SIRPD: variants seen among roughly 807,000 people sequenced by gnomAD.
SIRPD encodes the protein signal regulatory protein delta.
Under a neutral mutation model 18.0 loss-of-function variants are expected in SIRPD, and 21 were observed. That is an observed-to-expected ratio of 1.17 (90% confidence interval 0.83 to 1.68). The LOEUF (loss-of-function observed/expected upper bound fraction) is 1.68. SIRPD is among the 40% of genes most tolerant of loss of function. The pLI is 0.00. For synonymous variants in SIRPD, 106 were observed against 92.9 expected (o/e 1.14, Z -0.81); for missense variants, 295 against 238.4 (o/e 1.24, Z -1.56).
At chr20:1,544,367 C>T (rs1394682707) in intron 2 of SIRPD, among the ~76,000 whole-genome samples, 1 of 150,964 alleles carries the variant, frequency 6.6e-6, no homozygotes, top group Non-Finnish European at 1.5e-5. Context: ...TTATGCAATG[C>T]CCTTCTTTGT....
intron 2 of SIRPD, among the ~76,000 whole-genome samples, chr20:1,547,498 C>T (rs1041881782): frequency 6.6e-6 from 1 of 152,210 alleles, no homozygotes; most frequent in Admixed American, 6.5e-5. Context: ...CTCAAGCGAT[C>T]CTCCCATCTC....
chr20:1,544,369 CTTCT>C (rs1181547028), intron 2 of SIRPD, among the ~76,000 whole-genome samples: 1 of 150,758 alleles, frequency 6.6e-6, no homozygotes, highest in Non-Finnish European at 1.5e-5. Flanking sequence ...ATGCAATGCC[CTTCT>C]TTGTCTTTTT....
At position 1,534,416 on chromosome 20, in the gene SIRPD, C is replaced by T. The variant is rs567711302; in HGVS notation, c.*9G>A. 33 of 1,612,432 alleles carry T rather than the reference C, an allele frequency of 2.0e-5. No homozygotes were observed. The African/African-American group carries it at 4.3e-4, about 21-fold the overall frequency. On this transcript the variant is annotated 3_prime_UTR_variant, in exon 4 of 4. Coordinates refer to ENST00000381623, the MANE Select transcript of SIRPD (RefSeq NM_178460.3). The stretch of plus-strand genomic sequence containing the variant: ...TGTTATTTACTTGTACGTTCCTTCC[C>T]TGTTTGGATTATTTTGACAGCAAGC...
At chr20:1,555,220 G>A (rs1234955824) in intron 1 of SIRPD, among the ~76,000 whole-genome samples, 2 of 152,200 alleles carry the variant, frequency 1.3e-5, no homozygotes, top group Non-Finnish European at 2.9e-5. Context: ...GCCAGGCACA[G>A]AAAGACAAAT....
chr20:1,557,239 T>C (rs1311953570), intron 1 of SIRPD, among the ~76,000 whole-genome samples: 1 of 151,758 alleles, frequency 6.6e-6, no homozygotes, highest in Non-Finnish European at 1.5e-5. Flanking sequence ...GGTGACAGAG[T>C]GAGACCCTGT....
intron 1 of SIRPD, among the ~76,000 whole-genome samples, chr20:1,553,632 T>C (rs74548798): frequency 8.9e-4 from 136 of 152,320 alleles, no homozygotes; most frequent in African/African-American, 3.0e-3. Context: ...ATTTAGGCCA[T>C]GCAGTGCACA....
Position 1,551,731 on chromosome 20 carries a change from C to G in SIRPD, c.381G>C (p.Lys127Asn). The G allele has an allele frequency of 6.2e-7, 1 of 1,614,016 alleles. No homozygotes were observed. Among genetic ancestry groups the G allele is most frequent in the South Asian group, 1.1e-5 (1 of 91,084 alleles). The change falls in exon 2 of 4, where the codon AAG becomes AAC. Residue 127 changes from lysine (K) to asparagine (N), a missense_variant. By Grantham distance (94) the Lys-to-Asn change is moderately conservative. Transcript: ENST00000381623. Reference protein sequence around the residue: ...CVKFIKGRAIKEYQSGRGTQV... With the variant: ...CVKFIKGRAINEYQSGRGTQV... ...GAGTGCCCCGACCTGATTGGTACTC[C>G]TTGATAGCTCTTCCTTTTATGAACT...
chr20:1,551,337 A>C (rs948614677), intron 2 of SIRPD, among the ~76,000 whole-genome samples: 7 of 152,234 alleles, frequency 4.6e-5, no homozygotes, highest in Non-Finnish European at 7.3e-5. Flanking sequence ...ATTTTTCTGC[A>C]AGCCTGTCTT....
Position 1,551,714 on chromosome 20 carries a change from C to T in SIRPD, c.398G>A (p.Arg133Gln), listed in dbSNP as rs141059543. 6.4e-5 allele frequency: 104 copies of T among 1,613,400 alleles called. No homozygotes were observed. Among genetic ancestry groups the T allele is most frequent in the Admixed American group, 2.0e-4 (12 of 59,972 alleles). ...GRAIKEYQSG[R>Q]GTQVFVTEQN... Reference sequence around the variant, plus strand: ...ACCAGTAACAAACACCTGAGTGCCCCGACCTGATTGGTACTCCTTGATAGC... The same window carrying T: ...ACCAGTAACAAACACCTGAGTGCCCTGACCTGATTGGTACTCCTTGATAGC... Residue 133 changes from arginine (R) to glutamine (Q), a missense_variant, in exon 2 of 4, where the codon CGG becomes CAG. Arg to Gln is a conservative substitution (Grantham distance 43). Coordinates refer to ENST00000381623, the MANE Select transcript of SIRPD (RefSeq NM_178460.3).
intron 2 of SIRPD, among the ~76,000 whole-genome samples, chr20:1,548,566 T>A (rs558871354): frequency 7.2e-5 from 11 of 152,148 alleles, no homozygotes; most frequent in Non-Finnish European, 1.0e-4. Context: ...ATTTGATCTG[T>A]GTTTTTTTCT....
At chr20:1,552,171 C>T (rs1032937414) in intron 1 of SIRPD, 133 bp from the exon 2 acceptor site, 2 of 727,850 alleles carry the variant, frequency 2.7e-6, no homozygotes, top group Non-Finnish European at 2.2e-6. Context: ...TAAAGAGAGG[C>T]CTTTGCACAT....
intron 2 of SIRPD, among the ~76,000 whole-genome samples, chr20:1,549,085 A>T (rs1256461367): frequency 6.6e-6 from 1 of 152,022 alleles, no homozygotes; most frequent in African/African-American, 2.4e-5. Context: ...ATCTATTTTC[A>T]AATTTGCTAA....
chr20:1,540,393 C>T, intron 2 of SIRPD: 1 of 450,618 alleles, frequency 2.2e-6, no homozygotes, highest in Non-Finnish European at 4.4e-6. Context: ...ATACAATTTA[C>T]ACATTTAAAA....
At chr20:1,545,339 G>T (rs1248361131) in intron 2 of SIRPD, among the ~76,000 whole-genome samples, 3 of 151,904 alleles carry the variant, frequency 2.0e-5, no homozygotes, top group African/African-American at 7.3e-5. Flanking sequence ...CTCTAATCTT[G>T]TCTTCATACT....
chr20:1,550,023 A>G (rs1056740915), intron 2 of SIRPD, among the ~76,000 whole-genome samples: 8 of 152,150 alleles, frequency 5.3e-5, no homozygotes, highest in African/African-American at 1.9e-4. Flanking sequence ...GCTGTCATGC[A>G]CTCCTATATC....
intron 2 of SIRPD, among the ~76,000 whole-genome samples, chr20:1,544,899 T>G (rs557678829): frequency 1.4e-4 from 22 of 152,334 alleles, no homozygotes; most frequent in African/African-American, 5.1e-4. Context: ...GATATGAAAT[T>G]CTGGGTTGAA....
intron 2 of SIRPD, 26 bp downstream of exon 2, chr20:1,551,665 G>T: frequency 1.3e-6 from 2 of 1,538,162 alleles, no homozygotes; most frequent in Admixed American, 1.7e-5. Flanking sequence ...ACACCAGGGG[G>T]TATGGGGTAT....
chr20:1,550,441 G>A (rs1022624526), intron 2 of SIRPD, among the ~76,000 whole-genome samples: 11 of 152,090 alleles, frequency 7.2e-5, no homozygotes, highest in Admixed American at 2.6e-4. Flanking sequence ...ATTTATTTTC[G>A]CTATCATATA....
intron 3 of SIRPD, among the ~76,000 whole-genome samples, chr20:1,536,219 T>C (rs2090944589): frequency 6.6e-6 from 1 of 152,202 alleles, no homozygotes; most frequent in Non-Finnish European, 1.5e-5. Flanking sequence ...GTGCTACACA[T>C]TACTCCAAAA....
Sources: allele counts gnomAD v4.1 joint callset (sites outside exome capture counted in the v4.1 genomes callset), GRCh38; gene constraint gnomAD v4.1.1; transcripts MANE v1.5; gene names NCBI Gene and HGNC (gene_info 2026-07-23, HGNC 2026-07-21).